MICAL3: variants seen among roughly 807,000 people sequenced by gnomAD.
MICAL3 encodes the protein [F-actin]-monooxygenase MICAL3.
In MICAL3, 62 loss-of-function variants were observed where a neutral mutation model predicts 207.4. The observed-to-expected ratio is 0.30, with a 90% CI of 0.24 to 0.37. MICAL3 has a LOEUF of 0.37. MICAL3 is among the 10% of genes least tolerant of loss of function. MICAL3 has a pLI of 1.00. For synonymous variants in MICAL3, 1,077 were observed against 1,069.3 expected (o/e 1.01, Z -0.14); for missense variants, 2,368 against 2,635.6 (o/e 0.90, Z 2.22).
At chr22:17,815,923 C>A (rs12171076) in intron 27 of MICAL3, among the ~76,000 whole-genome samples, 3,521 of 152,278 alleles carry the variant, frequency 0.023, 140 homozygotes, top group African/African-American at 0.08. Context: ...AGAAGCCTTG[C>A]AATGAAGGCA....
chr22:17,794,572 G>A (rs56994236), intron 29 of MICAL3, among the ~76,000 whole-genome samples: 37 of 152,314 alleles, frequency 2.4e-4, no homozygotes, highest in African/African-American at 7.9e-4. Context: ...CCACCCGTCC[G>A]TGTCACTGTC....
At chr22:17,938,507 C>T (rs898710525) in intron 1 of MICAL3, among the ~76,000 whole-genome samples, 3 of 152,134 alleles carry the variant, frequency 2.0e-5, no homozygotes, top group East Asian at 1.9e-4. Context: ...TCCTTACGAA[C>T]GGAGGAGGCT....
Position 17,818,347 on chromosome 22 carries a change from C to T in MICAL3, c.4314G>A (p.Lys1438=), listed in dbSNP as rs548027760. Residue 1438 remains lysine, a synonymous_variant, in exon 26 of 32, where the codon AAG becomes AAA. Coordinates refer to ENST00000441493, the MANE Select transcript of MICAL3 (RefSeq NM_015241.3). ...LGLHGSSSNM[K]TLGSQSFNTS... The stretch of plus-strand genomic sequence containing the variant: ...TGTTGAAGCTCTGGCTGCCCAGTGT[C>T]TTCATGTTGGAGGAGCTCCCGTGCA... The T allele has an allele frequency of 2.5e-6, 4 of 1,595,618 alleles. No homozygotes were observed. Among genetic ancestry groups the T allele is most frequent in the Middle Eastern group, 1.7e-4 (1 of 5,976 alleles).
intron 1 of MICAL3, among the ~76,000 whole-genome samples, chr22:17,951,390 G>A (rs558895074): frequency 6.6e-6 from 1 of 152,068 alleles, no homozygotes; most frequent in Admixed American, 6.6e-5. Flanking sequence ...GTGAAATTCA[G>A]CAATGGAAAG....
chr22:17,824,878 A>G (rs905678320), intron 22 of MICAL3, among the ~76,000 whole-genome samples: 2 of 152,268 alleles, frequency 1.3e-5, no homozygotes, highest in Non-Finnish European at 2.9e-5. Flanking sequence ...GAGCAAAGAT[A>G]AAAGAATTCA....
At chr22:17,994,063 A>G (rs1407008709) in intron 1 of MICAL3, among the ~76,000 whole-genome samples, 2 of 152,198 alleles carry the variant, frequency 1.3e-5, no homozygotes, top group African/African-American at 2.4e-5. Context: ...GTGGGCACTC[A>G]GGACAGTGTG....
At chr22:17,795,581 G>C (rs977691138) in intron 29 of MICAL3, among the ~76,000 whole-genome samples, 4 of 152,208 alleles carry the variant, frequency 2.6e-5, no homozygotes, top group Non-Finnish European at 4.4e-5. Context: ...CAATATAACA[G>C]AATACTGGGA....
chr22:17,897,997 C>T (rs1325624657), intron 7 of MICAL3, among the ~76,000 whole-genome samples: 1 of 151,956 alleles, frequency 6.6e-6, no homozygotes, highest in Non-Finnish European at 1.5e-5. Flanking sequence ...ATGTTAAAGC[C>T]AAAACACAAA....
chr22:17,810,737 T>C lies in MICAL3; in HGVS notation c.5522A>G (p.Lys1841Arg), dbSNP rs963164221. The C allele has an allele frequency of 1.1e-5, 18 of 1,613,876 alleles. No individual in the cohort carries two copies. Among genetic ancestry groups the C allele is most frequent in the Non-Finnish European group, 1.5e-5 (18 of 1,179,882 alleles). Reference sequence around the variant, plus strand: ...ATGCAGCCGCTTAAGCTCCTCCTGCTTGGCCTGTCTCCGAGCTGCCTTTTG... The same window carrying C: ...ATGCAGCCGCTTAAGCTCCTCCTGCCTGGCCTGTCTCCGAGCTGCCTTTTG... ...RVQKAARRQAKQEELKRLHRA... is the reference protein window; with the variant it reads ...RVQKAARRQARQEELKRLHRA... The change falls in exon 28 of 32, where the codon AAG (lysine) becomes AGG (arginine). Residue 1841 changes from lysine to arginine, a missense_variant. By Grantham distance (26) the Lys-to-Arg change is conservative. This residue lies in a region of MICAL3 where 1,770 missense variants were observed against 1,863.2 expected (regional missense o/e 0.95). Transcript: ENST00000441493.
intron 19 of MICAL3, chr22:17,861,236 G>C: frequency 1.0e-6 from 1 of 985,384 alleles, no homozygotes; most frequent in Non-Finnish European, 1.2e-6. Context: ...TGTGGGAAAG[G>C]CCTGCATTTC....
chr22:17,810,315 G>A (rs757609833), intron 28 of MICAL3, among the ~76,000 whole-genome samples: 9 of 152,158 alleles, frequency 5.9e-5, no homozygotes, highest in Non-Finnish European at 1.0e-4. Context: ...CGCCCGCCTT[G>A]GCCTCCCAAA....
intron 19 of MICAL3, 120 bp downstream of exon 19, chr22:17,864,779 G>C: frequency 1.2e-6 from 2 of 1,613,948 alleles, no homozygotes; most frequent in Non-Finnish European, 8.5e-7. Context: ...AGAGGGTTTT[G>C]GGCCACTTGT....
At chr22:17,806,763 GT>G (rs11319774) in intron 29 of MICAL3, among the ~76,000 whole-genome samples, 52,038 of 152,068 alleles carry the variant, frequency 0.34, 9,374 homozygotes, top group African/African-American at 0.46. Flanking sequence ...TCTGCTGCTA[GT>G]TTTTTGAAAA....
chr22:17,939,620 CCT>C (rs1007296926), intron 1 of MICAL3, among the ~76,000 whole-genome samples: 1 of 152,234 alleles, frequency 6.6e-6, no homozygotes, highest in Non-Finnish European at 1.5e-5. Context: ...AACAGACCTG[CCT>C]CTCTCTGCAA....
In MICAL3 at chr22:17,887,243, G is replaced by A; in HGVS notation, c.2005-11C>T. ...CTTTTCCTTTTTATCCTGTACCAAG[G>A]GAGGAGGGAAACTGCATTATTCTAG... On this transcript the variant is annotated splice_polypyrimidine_tract_variant and intron_variant, in intron 14 of 31. Coordinates refer to ENST00000441493, the MANE Select transcript of MICAL3 (RefSeq NM_015241.3). 1.2e-6 allele frequency: 2 copies of A among 1,613,200 alleles called. No individual in the cohort carries two copies. The highest frequency in any genetic ancestry group is 1.7e-6 in the Non-Finnish European group (2 of 1,179,496).
intron 1 of MICAL3, among the ~76,000 whole-genome samples, chr22:17,916,055 CAAAAAA>C (rs755146574): frequency 1.7e-5 from 1 of 57,832 alleles, no homozygotes; most frequent in African/African-American, 5.2e-5. Flanking sequence ...GATCCAGTCT[CAAAAAA>C]AAAAAAAAAA....
At chr22:17,959,335 AAC>A (rs1446006811) in intron 1 of MICAL3, among the ~76,000 whole-genome samples, 1 of 124,146 alleles carries the variant, frequency 8.1e-6, no homozygotes, top group East Asian at 2.5e-4. Context: ...GTTTTTTTGA[AAC>A]AGAGTCTCGC....
intron 11 of MICAL3, among the ~76,000 whole-genome samples, chr22:17,893,165 C>T (rs182959859): frequency 6.6e-6 from 1 of 152,184 alleles, no homozygotes; most frequent in Admixed American, 6.5e-5. Flanking sequence ...TCCTCCACTG[C>T]CTCCTCCCTT....
intron 1 of MICAL3, among the ~76,000 whole-genome samples, chr22:17,929,230 A>G (rs1933101027): frequency 6.8e-6 from 1 of 147,458 alleles, no homozygotes; most frequent in South Asian, 2.1e-4. Flanking sequence ...TCCCAAGTAG[A>G]TGGAACTACA....
Sources: gnomAD v4.1 joint callset for allele counts (sites outside exome capture counted in the v4.1 genomes callset) on GRCh38, gnomAD v4.1.1 for gene constraint, gnomAD v4.1.1 regional missense constraint, MANE v1.5 for transcripts, NCBI Gene and HGNC (gene_info 2026-07-23, HGNC 2026-07-21) for gene names.